Variants in HECW2 observed in about 807,000 individuals in gnomAD.
HECW2 encodes the protein E3 ubiquitin-protein ligase HECW2.
HECW2 carries 61 observed loss-of-function variants against 175.2 expected under a neutral mutation model. That is an observed-to-expected ratio of 0.35 (90% CI 0.28 to 0.43). The LOEUF is 0.43. Among genes scored for constraint, HECW2 ranks in the 20% least tolerant of loss-of-function variants. The pLI, the probability that HECW2 is intolerant of heterozygous loss-of-function variation, is 1.00. For synonymous variants in HECW2, 671 were observed against 731.0 expected (o/e 0.92, Z 1.32); for missense variants, 1,524 against 2,000.5 (o/e 0.76, Z 4.54).
chr2:196,213,775 G>T (rs1213114895), intron 28 of HECW2, among the ~76,000 whole-genome samples: 1 of 152,182 alleles, frequency 6.6e-6, no homozygotes, highest in African/African-American at 2.4e-5. Flanking sequence ...TGGAGCTCCA[G>T]GGGGAAGCAG....
chr2:196,425,542 A>T (rs1235598277), intron 2 of HECW2, among the ~76,000 whole-genome samples: 1 of 152,176 alleles, frequency 6.6e-6, no homozygotes, highest in Non-Finnish European at 1.5e-5. Context: ...GAAGAAGTTG[A>T]TTCCAACCCT....
chr2:196,402,869 C>T (rs1190810418), intron 2 of HECW2, among the ~76,000 whole-genome samples: 2 of 145,196 alleles, frequency 1.4e-5, no homozygotes, highest in Admixed American at 1.4e-4. Flanking sequence ...TGCAGTGGCA[C>T]GATCTCAGCT....
chr2:196,517,803 T>G (rs905969648), intron 1 of HECW2, among the ~76,000 whole-genome samples: 1 of 152,186 alleles, frequency 6.6e-6, no homozygotes, highest in Non-Finnish European at 1.5e-5. Flanking sequence ...TCATGCTTAC[T>G]TTGAACCACC....
chr2:196,340,584 A>G (rs1432393479), intron 3 of HECW2, among the ~76,000 whole-genome samples: 2 of 128,430 alleles, frequency 1.6e-5, no homozygotes, highest in Non-Finnish European at 3.3e-5. Context: ...AGACGCAGCA[A>G]GACTCCGTCT....
Position 196,218,634 on chromosome 2 carries a change from G to A in HECW2, c.4408+1405C>T, listed in dbSNP as rs1687560336. On this transcript the variant is annotated intron_variant, in intron 26 of 28. Transcript: ENST00000644978. Reference sequence around the variant, plus strand: ...TCGAGACCAGACTGGCCAACATGGTGAAACCCCATCTCTACTAAAAATACA... The same window carrying A: ...TCGAGACCAGACTGGCCAACATGGTAAAACCCCATCTCTACTAAAAATACA... 3.3e-5 allele frequency among the ~76,000 whole-genome samples: 5 copies of A among 151,900 alleles called. No homozygotes were observed. The South Asian group carries it at 8.3e-4, about 25-fold the overall frequency.
At chr2:196,475,632 G>T (rs999652042) in intron 1 of HECW2, among the ~76,000 whole-genome samples, 2 of 152,194 alleles carry the variant, frequency 1.3e-5, no homozygotes, top group Non-Finnish European at 2.9e-5. Flanking sequence ...GCAGCACCAG[G>T]CCTACATCTT....
chr2:196,318,808 G>C lies in HECW2; in HGVS notation c.2082C>G (p.Ala694=), dbSNP rs780944656. 6.5e-7 allele frequency: 1 copy of C among 1,528,228 alleles called. No individual in the cohort carries two copies. Among genetic ancestry groups the C allele is most frequent in the Non-Finnish European group, 8.8e-7 (1 of 1,136,510 alleles). 94.7% of individuals were successfully genotyped at this position (1,528,228 alleles called of 1,614,324 possible). A position where few individuals can be genotyped will look rare whatever the true frequency, so the allele number is the denominator to read the frequency against. The change falls in exon 9 of 29, where the codon GCC becomes GCG. Residue 694 remains alanine, a synonymous_variant. Transcript: ENST00000644978. The part of the protein sequence containing the change: ...CAAEPTSSGP[A]EGSQESVCTA... ...TGCACACGGATTCCTGCGACCCTTCGGCAGGGCCACTGCTGGTGGGCTCTG... is the reference window on the plus strand; with the variant it reads ...TGCACACGGATTCCTGCGACCCTTCCGCAGGGCCACTGCTGGTGGGCTCTG...
At chr2:196,536,385 C>T (rs2125459145) in intron 1 of HECW2, among the ~76,000 whole-genome samples, 1 of 152,290 alleles carries the variant, frequency 6.6e-6, no homozygotes, top group South Asian at 2.1e-4. Flanking sequence ...CACTGGACTA[C>T]ATGAGAGAGC....
intron 2 of HECW2, among the ~76,000 whole-genome samples, chr2:196,395,887 G>A (rs751419294): frequency 6.6e-6 from 1 of 152,102 alleles, no homozygotes; most frequent in Non-Finnish European, 1.5e-5. Context: ...GGGTATACAC[G>A]TAAAGGGATT....
intron 17 of HECW2, among the ~76,000 whole-genome samples, chr2:196,258,631 A>G (rs1304942461): frequency 6.6e-6 from 1 of 152,120 alleles, no homozygotes; most frequent in East Asian, 1.9e-4. Context: ...TCATCATGTC[A>G]CTATTTTCAA....
intron 1 of HECW2, among the ~76,000 whole-genome samples, chr2:196,460,954 G>A (rs997647236): frequency 1.3e-5 from 2 of 151,862 alleles, no homozygotes; most frequent in African/African-American, 4.8e-5. Flanking sequence ...TGGAGACACA[G>A]CACAGCACAG....
At chr2:196,328,606 T>TTTTG (rs146591917) in intron 5 of HECW2, among the ~76,000 whole-genome samples, 4,810 of 152,220 alleles carry the variant, frequency 0.032, 169 homozygotes, top group African/African-American at 0.087. Flanking sequence ...ACAACACGTT[T>TTTTG]TTTGTTTGTT....
In HECW2 at chr2:196,563,681, A is replaced by G. The variant is rs1358044300; in HGVS notation, c.-36+29827T>C. 6.6e-5 allele frequency among the ~76,000 whole-genome samples: 10 copies of G among 152,370 alleles called. 1 individual carries two copies. The South Asian group carries it at 1.9e-3, about 28-fold the overall frequency. On this transcript the variant is annotated intron_variant, in intron 1 of 28. Transcript: ENST00000644978. The stretch of plus-strand genomic sequence containing the variant: ...CAGCTTGAAAAGGCACCCACTAGCT[A>G]GATCTGAATAATTTGTGCATCTAAA...
At chr2:196,228,801 G>A (rs556917640) in intron 21 of HECW2, among the ~76,000 whole-genome samples, 1 of 152,298 alleles carries the variant, frequency 6.6e-6, no homozygotes, top group East Asian at 1.9e-4. Flanking sequence ...AGCAAAAAAT[G>A]GAGTGATAAG....
chr2:196,266,845 C>T (rs1292094573), intron 17 of HECW2, among the ~76,000 whole-genome samples: 1 of 152,130 alleles, frequency 6.6e-6, no homozygotes, highest in Non-Finnish European at 1.5e-5. Context: ...TAAACTCTAA[C>T]AAAACCCCAG....
chr2:196,508,918 A>T (rs572419994), intron 1 of HECW2, among the ~76,000 whole-genome samples: 3 of 152,262 alleles, frequency 2.0e-5, no homozygotes, highest in Admixed American at 2.0e-4. Context: ...AATACAAAAA[A>T]TTAGCCAGGC....
intron 2 of HECW2, among the ~76,000 whole-genome samples, chr2:196,368,766 G>A (rs1693825609): frequency 6.6e-6 from 1 of 151,946 alleles, no homozygotes; most frequent in Non-Finnish European, 1.5e-5. Flanking sequence ...AGTCTCCGAG[G>A]CATTCTTCAA....
intron 12 of HECW2, 64 bp from the exon 13 acceptor site, chr2:196,306,676 C>T: frequency 6.7e-7 from 1 of 1,482,490 alleles, no homozygotes; most frequent in Non-Finnish European, 9.0e-7. Flanking sequence ...ACTATCTACT[C>T]ACTTCAGTCT....
intron 1 of HECW2, among the ~76,000 whole-genome samples, chr2:196,497,186 T>C (rs1687422448): frequency 6.6e-6 from 1 of 152,230 alleles, no homozygotes; most frequent in Non-Finnish European, 1.5e-5. Flanking sequence ...TAAAAATGTT[T>C]AGACCAAGTC....
Sources: gnomAD v4.1 joint callset for allele counts (sites outside exome capture counted in the v4.1 genomes callset) on GRCh38, gnomAD v4.1.1 for gene constraint, MANE v1.5 for transcripts, NCBI Gene and HGNC (gene_info 2026-07-23, HGNC 2026-07-21) for gene names.